The following CSMD2 variants were observed in gnomAD, a reference collection of about 807,000 sequenced individuals.
CSMD2 encodes CUB and Sushi multiple domains 2.
A neutral mutation model predicts 398.5 loss-of-function variants in CSMD2; 130 were observed. The observed-to-expected ratio is 0.33, with a 90% CI of 0.28 to 0.38. CSMD2 has a LOEUF of 0.38. Among genes scored for constraint, CSMD2 ranks in the 10% least tolerant of loss-of-function variants. The pLI is 1.00. For synonymous variants in CSMD2, 1,828 were observed against 1,908.5 expected, an observed-to-expected ratio of 0.96 and a Z score of 1.10; for missense variants, 3,829 against 4,764.9, an observed-to-expected ratio of 0.80 and a Z score of 5.78.
chr1:33,608,145 G>C (rs1640753925), intron 41 of CSMD2, among the ~76,000 whole-genome samples: 2 of 152,118 alleles, frequency 1.3e-5, no homozygotes, highest in Admixed American at 6.5e-5. Context: ...TGGGGAATCA[G>C]GGGCGAGTGA....
intron 6 of CSMD2, among the ~76,000 whole-genome samples, chr1:33,830,521 C>G (rs985362151): frequency 6.6e-6 from 1 of 152,104 alleles, no homozygotes; most frequent in Non-Finnish European, 1.5e-5. Context: ...ACATCACCAT[C>G]ATCAAAGACC....
chr1:34,021,645 T>G (rs1364092159), intron 3 of CSMD2, among the ~76,000 whole-genome samples: 2 of 152,180 alleles, frequency 1.3e-5, no homozygotes, highest in Non-Finnish European at 2.9e-5. Flanking sequence ...TAAAGACCTG[T>G]GCTAATAAGT....
At chr1:33,595,142 TCAGAATCACATG>T (rs1261943551) in intron 44 of CSMD2, among the ~76,000 whole-genome samples, 1 of 152,246 alleles carries the variant, frequency 6.6e-6, no homozygotes, top group Non-Finnish European at 1.5e-5. Context: ...TTGATCCAGT[TCAGAATCACATG>T]TTGCATTTCA....
At chr1:33,945,333 T>G (rs1644806595) in intron 3 of CSMD2, among the ~76,000 whole-genome samples, 1 of 152,194 alleles carries the variant, frequency 6.6e-6, no homozygotes, top group Non-Finnish European at 1.5e-5. Flanking sequence ...AAATTCAAAT[T>G]TAACTGGGTT....
At chr1:34,123,713 A>G (rs1319331158) in intron 1 of CSMD2, among the ~76,000 whole-genome samples, 1 of 152,118 alleles carries the variant, frequency 6.6e-6, no homozygotes, top group Admixed American at 6.5e-5. Context: ...TCCACTGCTT[A>G]ATGTGTGGAG....
intron 2 of CSMD2, among the ~76,000 whole-genome samples, chr1:34,088,700 A>T (rs180824149): frequency 3.9e-5 from 6 of 152,360 alleles, no homozygotes; most frequent in Admixed American, 3.9e-4. Flanking sequence ...CACCCTGTGC[A>T]TGAAAAATCA....
intron 3 of CSMD2, among the ~76,000 whole-genome samples, chr1:33,938,078 A>G (rs1459045835): frequency 1.3e-5 from 2 of 152,368 alleles, no homozygotes; most frequent in East Asian, 3.9e-4. Flanking sequence ...CGTGCTTGGC[A>G]CAGTGGGGCC....
At position 34,029,398 on chromosome 1, in the gene CSMD2, C is replaced by T. The variant is rs545135119; in HGVS notation, c.517+3196G>A. 5.3e-5 allele frequency among the ~76,000 whole-genome samples: 8 copies of T among 152,288 alleles called. No homozygotes were observed. The South Asian group carries it at 8.3e-4, about 16-fold the overall frequency. On this transcript the variant is annotated intron_variant, in intron 3 of 70. Transcript: ENST00000373381. The stretch of plus-strand genomic sequence containing the variant: ...CAGTGAGTCAGGTACAGGTTCAACC[C>T]GATTCAGTTGCCTGTTGAATAAGCT...
At chr1:33,872,951 G>A (rs959748353) in intron 5 of CSMD2, among the ~76,000 whole-genome samples, 2 of 152,128 alleles carry the variant, frequency 1.3e-5, no homozygotes, top group African/African-American at 2.4e-5. Flanking sequence ...AAATTGTTAC[G>A]GACCAGTGAC....
Position 33,803,188 on chromosome 1 carries a change from T to C in CSMD2, c.1446+7555A>G, listed in dbSNP as rs890719705. ...CGCCTCTCAGATTGCTCCTTCTCTG[T>C]TCTTTCACTGGATTTTGCTCTTTCT... On this transcript the variant is annotated intron_variant, in intron 10 of 70. Coordinates refer to ENST00000373381, the MANE Select transcript of CSMD2 (RefSeq NM_001281956.2). Among the ~76,000 whole-genome samples the C allele has an allele frequency of 3.3e-5, 5 of 152,228 alleles. No homozygotes were observed. In the East Asian group the frequency reaches 9.6e-4, roughly 29 times the overall value.
intron 5 of CSMD2, among the ~76,000 whole-genome samples, chr1:33,906,667 G>A (rs186138098): frequency 6.6e-6 from 1 of 152,310 alleles, no homozygotes; most frequent in Admixed American, 6.5e-5. Context: ...GGTCAATTAT[G>A]AGCAAAATTG....
chr1:34,115,307 G>A (rs953256205), intron 1 of CSMD2, among the ~76,000 whole-genome samples: 2 of 152,018 alleles, frequency 1.3e-5, no homozygotes, highest in Non-Finnish European at 2.9e-5. Context: ...ACAAGAAAAA[G>A]TTAAAGACAA....
chr1:34,078,972 T>A (rs1320327388), intron 2 of CSMD2, among the ~76,000 whole-genome samples: 2 of 152,180 alleles, frequency 1.3e-5, no homozygotes, highest in African/African-American at 2.4e-5. Flanking sequence ...ATCATACACA[T>A]CCATGCCATC....
chr1:33,829,839 G>T (rs1367359572), intron 6 of CSMD2, among the ~76,000 whole-genome samples: 1 of 151,882 alleles, frequency 6.6e-6, no homozygotes, highest in Admixed American at 6.6e-5. Context: ...TTAGGAAATG[G>T]CACACCAGGA....
chr1:33,614,586 C>T lies in CSMD2; in HGVS notation c.6051G>A (p.Gly2017=), dbSNP rs1320979565. 1.2e-6 allele frequency: 2 copies of T among 1,612,098 alleles called. No individual in the cohort carries two copies. The highest frequency in any genetic ancestry group is 1.7e-6 in the Non-Finnish European group (2 of 1,178,472). Residue 2017 remains glycine, a synonymous_variant, in exon 40 of 71, where the codon GGG becomes GGA. Transcript: ENST00000373381. The part of the protein sequence containing the change: ...QCGGTVEEME[G]VILSPGFPGN... ...CTGGGAAGCCGGGGCTCAGGATCAC[C>T]CCCTCCATCTCCTCCACTGTTCCCC...
intron 1 of CSMD2, among the ~76,000 whole-genome samples, chr1:34,098,756 C>T (rs1177807126): frequency 2.0e-5 from 3 of 151,980 alleles, no homozygotes; most frequent in African/African-American, 4.8e-5. Context: ...GCACCATATA[C>T]AAAAATAACT....
intron 49 of CSMD2, 81 bp from the exon 50 acceptor site, chr1:33,572,772 C>T: frequency 8.4e-7 from 1 of 1,187,602 alleles, no homozygotes. Context: ...CCTCCCCTCC[C>T]AAGGTCCTTT....
At position 34,164,073 on chromosome 1, in the gene CSMD2, T is replaced by C. The variant is rs951269779; in HGVS notation, c.187+838A>G. The stretch of plus-strand genomic sequence containing the variant: ...CTGGTCCCGCCGCCCGCGCCGCCGC[T>C]GCCGCTGCCGCAGCCGAGGCGCTCG... On this transcript the variant is annotated intron_variant, in intron 1 of 70. Transcript: ENST00000373381. This position sits in a 1 kb window ranked among gnomAD's most constrained non-coding sequence, Gnocchi z 6.2. Among the ~76,000 whole-genome samples, 2 of 152,022 alleles carry C rather than the reference T, an allele frequency of 1.3e-5. No homozygotes were observed. The highest frequency in any genetic ancestry group is 2.9e-5 in the Non-Finnish European group (2 of 67,972).
At chr1:34,055,150 A>G (rs1653678349) in intron 2 of CSMD2, among the ~76,000 whole-genome samples, 1 of 152,070 alleles carries the variant, frequency 6.6e-6, no homozygotes, top group South Asian at 2.1e-4. Context: ...CTCCCCAAAC[A>G]ACAATAACAA....
Sources: gnomAD v4.1 joint callset for allele counts (sites outside exome capture counted in the v4.1 genomes callset) on GRCh38, gnomAD v4.1.1 for gene constraint, Gnocchi (gnomAD v3.1) non-coding constraint, MANE v1.5 for transcripts, NCBI Gene and HGNC (gene_info 2026-07-23, HGNC 2026-07-21) for gene names.